TRAM2: variants seen among roughly 807,000 people sequenced by gnomAD.
TRAM2 encodes the protein translocating chain-associated membrane protein 2.
TRAM2 carries 12 observed loss-of-function variants against 51.0 expected under a neutral mutation model. That is an observed-to-expected ratio of 0.24 (90% confidence interval 0.15 to 0.38). The LOEUF (loss-of-function observed/expected upper bound fraction) is 0.38, where lower values mean the gene tolerates loss of function less well. Ranked by LOEUF, TRAM2 falls within the 10% of genes least tolerant of loss-of-function variation. The pLI is 1.00. For synonymous variants in TRAM2, 175 were observed against 179.4 expected (o/e 0.98, Z 0.20); for missense variants, 361 against 462.0 (o/e 0.78, Z 2.00).
intron 1 of TRAM2, among the ~76,000 whole-genome samples, chr6:52,554,531 A>G (rs949818291): frequency 3.8e-4 from 57 of 151,244 alleles, no homozygotes; most frequent in Middle Eastern, 3.4e-3. Flanking sequence ...AAAAAAAAAA[A>G]AAAAAAAGAA....
intron 1 of TRAM2, among the ~76,000 whole-genome samples, chr6:52,553,335 G>T (rs1278925978): frequency 6.6e-6 from 1 of 152,170 alleles, no homozygotes; most frequent in African/African-American, 2.4e-5. Context: ...AATACTATAT[G>T]AAGGCTCTGA....
chr6:52,538,578 A>G (rs1767015103), intron 1 of TRAM2, among the ~76,000 whole-genome samples: 1 of 152,172 alleles, frequency 6.6e-6, no homozygotes. Flanking sequence ...TGGGAAGAGC[A>G]CTGGTGTTCA....
intron 1 of TRAM2, among the ~76,000 whole-genome samples, chr6:52,566,142 G>C (rs1006638394): frequency 6.6e-6 from 1 of 152,212 alleles, no homozygotes; most frequent in Non-Finnish European, 1.5e-5. Context: ...ATGCAAGAAG[G>C]TGAAACGGAA....
chr6:52,552,136 A>T (rs1767320724), intron 1 of TRAM2, among the ~76,000 whole-genome samples: 1 of 152,238 alleles, frequency 6.6e-6, no homozygotes, highest in Non-Finnish European at 1.5e-5. Context: ...CCCTGGCAAG[A>T]GGAGAGGGCA....
intron 1 of TRAM2, among the ~76,000 whole-genome samples, chr6:52,542,172 T>A (rs1767095755): frequency 6.6e-6 from 1 of 152,022 alleles, no homozygotes; most frequent in Non-Finnish European, 1.5e-5. Flanking sequence ...TGATTTTGCA[T>A]CTTTCTGCGG....
chr6:52,506,223 G>T, intron 7 of TRAM2, 87 bp from the exon 8 acceptor site: 2 of 1,248,794 alleles, frequency 1.6e-6, no homozygotes, highest in Non-Finnish European at 2.3e-6. Context: ...GCTGTCCCCT[G>T]TGCCTGGCTG....
In TRAM2 at chr6:52,502,088, C is replaced by G. The variant is rs1273833130; in HGVS notation, c.*1109G>C. 1 of 152,298 alleles carries G rather than the reference C, an allele frequency of 6.6e-6. No homozygotes were observed. The highest frequency in any genetic ancestry group is 1.5e-5 in the Non-Finnish European group (1 of 68,092). 9.4% of individuals were successfully genotyped at this position (152,298 alleles called of 1,614,324 possible). A position where few individuals can be genotyped will look rare whatever the true frequency, so the allele number is the denominator to read the frequency against. ...TCCAAAGAACACTCAACAAGGGCGG[C>G]CAGATGAACAGCGGTCCAAGTGACC... On this transcript the variant is annotated 3_prime_UTR_variant, in exon 11 of 11. Coordinates refer to ENST00000182527, the MANE Select transcript of TRAM2 (RefSeq NM_012288.4).
chr6:52,528,565 C>T (rs1766824649), intron 2 of TRAM2, among the ~76,000 whole-genome samples: 1 of 152,172 alleles, frequency 6.6e-6, no homozygotes, highest in African/African-American at 2.4e-5. Flanking sequence ...AACCATCTGT[C>T]TGAGGTTGTT....
In TRAM2 at chr6:52,506,182, G is replaced by T. The variant is rs1488910185; in HGVS notation, c.627-46C>A. ...ACTTACATTCCCTCCAAGATGCTGCGTGGAGCAGAAGCCATTGCATCTTGG... is the reference window on the plus strand; with the variant it reads ...ACTTACATTCCCTCCAAGATGCTGCTTGGAGCAGAAGCCATTGCATCTTGG... On this transcript the variant is annotated intron_variant, in intron 7 of 10. Coordinates refer to ENST00000182527, the MANE Select transcript of TRAM2 (RefSeq NM_012288.4). 3.9e-6 allele frequency: 6 copies of T among 1,553,550 alleles called. No individual in the cohort carries two copies. In the South Asian group the frequency reaches 6.7e-5, roughly 17 times the overall value.
chr6:52,531,497 AC>A (rs1348419017), intron 2 of TRAM2, among the ~76,000 whole-genome samples: 1 of 152,108 alleles, frequency 6.6e-6, no homozygotes, highest in Non-Finnish European at 1.5e-5. Context: ...CTTTTCCTCT[AC>A]CCAGGCCTGT....
At chr6:52,533,109 G>C (rs918912670) in intron 2 of TRAM2, among the ~76,000 whole-genome samples, 8 of 152,052 alleles carry the variant, frequency 5.3e-5, no homozygotes, top group Non-Finnish European at 1.0e-4. Context: ...TGGGGAAAGG[G>C]GAGTTAGGGT....
intron 1 of TRAM2, among the ~76,000 whole-genome samples, chr6:52,551,793 T>C (rs1767314458): frequency 6.6e-6 from 1 of 152,254 alleles, no homozygotes; most frequent in Non-Finnish European, 1.5e-5. Context: ...CAAAGGGGCC[T>C]CTGGAAGTGG....
At chr6:52,574,079 T>C (rs1326121709) in intron 1 of TRAM2, among the ~76,000 whole-genome samples, 1 of 152,108 alleles carries the variant, frequency 6.6e-6, no homozygotes, top group Non-Finnish European at 1.5e-5. Context: ...CCGTCACTTC[T>C]AGGAAAAGGG....
intron 1 of TRAM2, among the ~76,000 whole-genome samples, chr6:52,554,323 G>A (rs965455282): frequency 3.3e-5 from 5 of 151,956 alleles, no homozygotes; most frequent in South Asian, 2.1e-4. Context: ...TCAGGAGTTC[G>A]AGACCAGCCT....
At chr6:52,537,263 C>T (rs1298827812) in intron 1 of TRAM2, among the ~76,000 whole-genome samples, 1 of 152,208 alleles carries the variant, frequency 6.6e-6, no homozygotes, top group Non-Finnish European at 1.5e-5. Flanking sequence ...AAACACCAAG[C>T]CCTATCCGAA....
chr6:52,549,681 C>T (rs115428198), intron 1 of TRAM2, among the ~76,000 whole-genome samples: 1,608 of 152,244 alleles, frequency 0.011, 25 homozygotes, highest in African/African-American at 0.032. Flanking sequence ...CTCTTGGTCC[C>T]TGAGGGCTAG....
Position 52,501,192 on chromosome 6 carries a change from A to G in TRAM2, c.*2005T>C, listed in dbSNP as rs1484062159. On this transcript the variant is annotated 3_prime_UTR_variant, in exon 11 of 11. Coordinates refer to ENST00000182527, the MANE Select transcript of TRAM2 (RefSeq NM_012288.4). The stretch of plus-strand genomic sequence containing the variant: ...AGGGAAGGAGAGGGAGAAATGGGGG[A>G]AATACATATTTTCAAAAACACTGTC... 6.6e-6 allele frequency: 1 copy of G among 152,184 alleles called. No homozygotes were observed. The highest frequency in any genetic ancestry group is 1.5e-5 in the Non-Finnish European group (1 of 68,038). The allele number at this position is 152,184 out of a possible 1,614,324, so 9.4% of individuals were successfully genotyped here. A position where few individuals can be genotyped will look rare whatever the true frequency, so the allele number is the denominator to read the frequency against.
rs371811284 is a variant in TRAM2 at position 52,571,821 on chromosome 6, G to A, written c.120+4975C>T. 2.6e-5 allele frequency among the ~76,000 whole-genome samples: 4 copies of A among 152,288 alleles called. No homozygotes were observed. The East Asian group carries it at 5.8e-4, about 22-fold the overall frequency. On this transcript the variant is annotated intron_variant, in intron 1 of 10. Transcript: ENST00000182527. ...TCAATGAGCCACCTGAGGATGAAAC[G>A]TGGACTCCCAGACCCACCAATGAAG...
At chr6:52,544,761 A>G (rs1429767290) in intron 1 of TRAM2, among the ~76,000 whole-genome samples, 3 of 152,238 alleles carry the variant, frequency 2.0e-5, no homozygotes, top group Non-Finnish European at 4.4e-5. Context: ...TCACAAGGGG[A>G]TATTCAGAAT....
Sources: gnomAD v4.1 joint callset for allele counts (sites outside exome capture counted in the v4.1 genomes callset) on GRCh38, gnomAD v4.1.1 for gene constraint, MANE v1.5 for transcripts, NCBI Gene and HGNC (gene_info 2026-07-23, HGNC 2026-07-21) for gene names.